The following ITPRID1 variants were observed in gnomAD, a reference collection of about 807,000 sequenced individuals.
The protein encoded by ITPRID1 is protein ITPRID1.
ITPRID1 carries 96 observed loss-of-function variants against 95.4 expected under a neutral mutation model. The ratio of observed to expected loss-of-function variants is 1.01; its 90% CI spans 0.85 to 1.19. The LOEUF (loss-of-function observed/expected upper bound fraction) is 1.19, where lower values mean the gene tolerates loss of function less well. Ranked by LOEUF, ITPRID1 falls within the 50% of genes most tolerant of loss-of-function variation. The pLI is 0.00. For missense variants in ITPRID1, 1,339 were observed against 1,252.9 expected (o/e 1.07, Z -1.04); for synonymous variants, 510 against 453.6 (o/e 1.12, Z -1.58).
Position 31,585,889 on chromosome 7 carries a change from G to T in ITPRID1, c.1228+2698G>T, listed in dbSNP as rs182423110. ...GTTTTAGGGTACATGTGCACATTGT[G>T]CAGGTTAGTTACATATGTATACATG... On this transcript the variant is annotated intron_variant, in intron 10 of 14. Coordinates refer to ENST00000615280, the MANE Select transcript of ITPRID1 (RefSeq NM_001257967.3). Among the ~76,000 whole-genome samples, 1,200 of 150,898 alleles carry T rather than the reference G, an allele frequency of 8.0e-3. 16 individuals carry two copies. Among genetic ancestry groups the T allele is most frequent in the African/African-American group, 0.027 (1,124 of 41,016 alleles).
At chr7:31,585,142 T>C (rs528222674) in intron 10 of ITPRID1, among the ~76,000 whole-genome samples, 1 of 152,246 alleles carries the variant, frequency 6.6e-6, no homozygotes, top group South Asian at 2.1e-4. Flanking sequence ...TGCAACTACA[T>C]GAGAGAATCC....
chr7:31,616,729 CATAAGGATTA>C (rs1316646426), intron 10 of ITPRID1, among the ~76,000 whole-genome samples: 41 of 152,128 alleles, frequency 2.7e-4, no homozygotes, highest in Non-Finnish European at 1.5e-5. Context: ...TAGGAAGCAG[CATAAGGATTA>C]TGTACAGGTG....
intron 10 of ITPRID1, among the ~76,000 whole-genome samples, chr7:31,585,913 T>C (rs1767335471): frequency 6.6e-6 from 1 of 151,000 alleles, no homozygotes; most frequent in African/African-American, 2.4e-5. Flanking sequence ...TATGTATACA[T>C]GTGCCATGCT....
At chr7:31,626,404 A>T (rs950656832) in intron 10 of ITPRID1, among the ~76,000 whole-genome samples, 1 of 152,206 alleles carries the variant, frequency 6.6e-6, no homozygotes, top group Non-Finnish European at 1.5e-5. Flanking sequence ...GTCACTGATA[A>T]CTTTTAAAAT....
intron 7 of ITPRID1, among the ~76,000 whole-genome samples, chr7:31,573,970 T>C (rs1266041127): frequency 6.6e-6 from 1 of 152,066 alleles, no homozygotes; most frequent in African/African-American, 2.4e-5. Flanking sequence ...AAGCATTTTT[T>C]GTTTCTTAGC....
chr7:31,517,952 A>C lies in ITPRID1; in HGVS notation c.-98+3832A>C, dbSNP rs560439405. 2.6e-5 allele frequency: 4 copies of C among 152,454 alleles called. No individual in the cohort carries two copies. In the East Asian group the frequency reaches 7.7e-4, roughly 29 times the overall value. The allele number at this position is 152,454 out of a possible 1,614,324, so 9.4% of individuals were successfully genotyped here. On this transcript the variant is annotated intron_variant, in intron 1 of 14. Coordinates refer to ENST00000615280, the MANE Select transcript of ITPRID1 (RefSeq NM_001257967.3). ...ATGGTAGACAGAATAGTGCCTCCCCACAACAAAGATGTCAACATGTTACTG... is the reference window on the plus strand; with the variant it reads ...ATGGTAGACAGAATAGTGCCTCCCCCCAACAAAGATGTCAACATGTTACTG...
chr7:31,612,643 A>G (rs1786928355), intron 10 of ITPRID1, among the ~76,000 whole-genome samples: 1 of 152,130 alleles, frequency 6.6e-6, no homozygotes, highest in South Asian at 2.1e-4. Flanking sequence ...AGTGACTTGA[A>G]CAAATATGTC....
intron 1 of ITPRID1, among the ~76,000 whole-genome samples, chr7:31,519,610 C>CCATATATATATATA (rs1783158806): frequency 1.9e-5 from 1 of 51,344 alleles, no homozygotes; most frequent in Non-Finnish European, 3.8e-5. Flanking sequence ...CTCTCTCTCT[C>CCATATATATATATA]TCTCTCTCTC....
At position 31,644,046 on chromosome 7, in the gene ITPRID1, T is replaced by G; in HGVS notation, c.2583+93T>G. 5.0e-6 allele frequency: 6 copies of G among 1,203,276 alleles called. 1 individual carries two copies. The South Asian group carries it at 9.1e-5, about 18-fold the overall frequency. The allele number at this position is 1,203,276 out of a possible 1,614,324, so 74.5% of individuals were successfully genotyped here. On this transcript the variant is annotated intron_variant, in intron 12 of 14. Coordinates refer to ENST00000615280, the MANE Select transcript of ITPRID1 (RefSeq NM_001257967.3). ...TCAGACTTCCTTGCTGAATGCAAGA[T>G]CTCAGGGCAAACTTTTCTATTTTAA...
intron 1 of ITPRID1, among the ~76,000 whole-genome samples, chr7:31,530,383 A>G (rs1411078466): frequency 6.6e-6 from 1 of 152,218 alleles, no homozygotes; most frequent in Admixed American, 6.5e-5. Flanking sequence ...GGAGCCATGT[A>G]GGAATGGAGA....
chr7:31,651,447 T>A (rs1321910221), intron 13 of ITPRID1, among the ~76,000 whole-genome samples, 178 bp downstream of exon 13: 1 of 152,190 alleles, frequency 6.6e-6, no homozygotes, highest in Non-Finnish European at 1.5e-5. Flanking sequence ...GAGAGCCATT[T>A]GCTAGATAGC....
At chr7:31,606,458 C>CGA (rs3078452) in intron 10 of ITPRID1, among the ~76,000 whole-genome samples, 1,701 of 151,062 alleles carry the variant, frequency 0.011, 15 homozygotes, top group Middle Eastern at 0.021. Flanking sequence ...GAAAAGAAAA[C>CGA]GAGAGAGAGA....
At chr7:31,631,519 T>C (rs908417483) in intron 10 of ITPRID1, among the ~76,000 whole-genome samples, 1 of 152,240 alleles carries the variant, frequency 6.6e-6, no homozygotes, top group Non-Finnish European at 1.5e-5. Flanking sequence ...CCAAATTTTC[T>C]TTACCACCTT....
intron 10 of ITPRID1, among the ~76,000 whole-genome samples, chr7:31,622,014 T>C (rs1226990634): frequency 7.1e-6 from 1 of 141,538 alleles, no homozygotes; most frequent in African/African-American, 2.7e-5. Flanking sequence ...AAGAAGGCCA[T>C]TACATAATGG....
intron 10 of ITPRID1, among the ~76,000 whole-genome samples, chr7:31,605,519 C>T (rs903691756): frequency 6.6e-6 from 1 of 152,146 alleles, no homozygotes; most frequent in Non-Finnish European, 1.5e-5. Flanking sequence ...ATCATAGCTT[C>T]GCTCCTCCTT....
chr7:31,553,171 C>G lies in ITPRID1; in HGVS notation c.147C>G (p.Leu49=). ...ACCCTGAGGAGGAAAGCCAGAGTCT[C>G]ACCATCCCCATGCTGGGTGAGAAGG... ...PPDPEEESQS[L]TIPMLEDSKQ... is the part of the protein sequence containing the mutation. The change falls in exon 3 of 15, where the codon CTC becomes CTG. Residue 49 remains leucine, a synonymous_variant. Transcript: ENST00000615280. 6.3e-7 allele frequency: 1 copy of G among 1,581,844 alleles called. No individual in the cohort carries two copies. Among genetic ancestry groups the G allele is most frequent in the Non-Finnish European group, 8.6e-7 (1 of 1,162,630 alleles).
At chr7:31,602,083 A>T (rs1786418125) in intron 10 of ITPRID1, among the ~76,000 whole-genome samples, 1 of 152,182 alleles carries the variant, frequency 6.6e-6, no homozygotes, top group South Asian at 2.1e-4. Flanking sequence ...CTTAATTTTA[A>T]AAGACACACT....
intron 5 of ITPRID1, among the ~76,000 whole-genome samples, chr7:31,559,371 T>C (rs1784553733): frequency 6.6e-6 from 1 of 152,136 alleles, no homozygotes; most frequent in South Asian, 2.1e-4. Flanking sequence ...GAAACACTCA[T>C]ATTCCATGGC....
intron 1 of ITPRID1, among the ~76,000 whole-genome samples, chr7:31,523,577 G>A (rs774986650): frequency 4.6e-5 from 7 of 152,130 alleles, no homozygotes; most frequent in Middle Eastern, 3.2e-3. Flanking sequence ...AGATGTTTTC[G>A]TCATGGGGGT....
Sources: allele counts gnomAD v4.1 joint callset (sites outside exome capture counted in the v4.1 genomes callset), GRCh38; gene constraint gnomAD v4.1.1; transcripts MANE v1.5; gene names NCBI Gene and HGNC (gene_info 2026-07-23, HGNC 2026-07-21).